SPATA13: variants seen among roughly 807,000 people sequenced by gnomAD.
SPATA13 encodes spermatogenesis associated 13, also known as spermatogenesis-associated protein 13.
In SPATA13, 50 loss-of-function variants were observed where a neutral mutation model predicts 104.0. That is an observed-to-expected ratio of 0.48 (90% CI 0.38 to 0.61). The LOEUF (loss-of-function observed/expected upper bound fraction) is 0.61, where lower values mean the gene tolerates loss of function less well. SPATA13 is among the 20% of genes least tolerant of loss of function. The probability of loss-of-function intolerance (pLI) is 0.00; values close to 1 mark genes in which losing one functional copy is unlikely to be tolerated. For missense variants in SPATA13, 1,524 were observed against 1,690.6 expected (o/e 0.90, Z 1.73); for synonymous variants, 606 against 667.5 (o/e 0.91, Z 1.42).
chr13:24,112,146 C>T (rs1202396660), intron 3 of SPATA13, among the ~76,000 whole-genome samples: 1 of 152,222 alleles, frequency 6.6e-6, no homozygotes, highest in Non-Finnish European at 1.5e-5. Context: ...GTGGAAATGT[C>T]CTTTCCTTTC....
chr13:24,189,438 C>T (rs997509793), intron 1 of SPATA13, among the ~76,000 whole-genome samples: 4 of 148,972 alleles, frequency 2.7e-5, no homozygotes, highest in African/African-American at 9.9e-5. Context: ...CACGCCACTG[C>T]ACTCCAGCCT....
At chr13:24,158,407 T>C (rs943578260), upstream of SPATA13, among the ~76,000 whole-genome samples, 10 of 152,082 alleles carry the variant, frequency 6.6e-5, no homozygotes, top group African/African-American at 2.4e-4. Flanking sequence ...ATGGTAGAAA[T>C]GGAAGGAAAT....
chr13:24,185,791 G>A (rs1299941359), intron 1 of SPATA13, among the ~76,000 whole-genome samples: 1 of 145,566 alleles, frequency 6.9e-6, no homozygotes, highest in Non-Finnish European at 1.5e-5. Context: ...GAATGTGTGT[G>A]TGTGCGCACA....
chr13:23,987,619 A>G (rs181862404), intron 2 of SPATA13, among the ~76,000 whole-genome samples: 180 of 152,342 alleles, frequency 1.2e-3, no homozygotes, highest in African/African-American at 4.3e-3. Context: ...ATTAGAAGGT[A>G]AAAGCCCCGG....
chr13:24,157,237 A>G (rs915496047), upstream of SPATA13, among the ~76,000 whole-genome samples: 1 of 152,218 alleles, frequency 6.6e-6, no homozygotes, highest in African/African-American at 2.4e-5. Context: ...AGGTTATTCT[A>G]TCAAGGGAGT....
At chr13:24,211,077 A>G (rs1281230650) in intron 1 of SPATA13, among the ~76,000 whole-genome samples, 1 of 152,218 alleles carries the variant, frequency 6.6e-6, no homozygotes, top group Non-Finnish European at 1.5e-5. Context: ...AACTGAAGAA[A>G]ATAAATTCAA....
At chr13:24,050,351 T>C (rs1878298396) in intron 3 of SPATA13, among the ~76,000 whole-genome samples, 1 of 152,188 alleles carries the variant, frequency 6.6e-6, no homozygotes, top group African/African-American at 2.4e-5. Flanking sequence ...GACGAGTCAG[T>C]TTCCGGAGCC....
At chr13:23,992,496 C>G (rs912714807) in intron 2 of SPATA13, among the ~76,000 whole-genome samples, 1 of 152,094 alleles carries the variant, frequency 6.6e-6, no homozygotes, top group Non-Finnish European at 1.5e-5. Context: ...CTCTGCTCCA[C>G]GAAGTCTTCA....
chr13:24,139,407 C>T (rs1482021129), intron 3 of SPATA13, among the ~76,000 whole-genome samples: 1 of 152,194 alleles, frequency 6.6e-6, no homozygotes, highest in Non-Finnish European at 1.5e-5. Flanking sequence ...AAAGAAAATA[C>T]AAACAGGACG....
At chr13:24,202,598 T>TC (rs1259577458) in intron 1 of SPATA13, among the ~76,000 whole-genome samples, 1 of 151,116 alleles carries the variant, frequency 6.6e-6, no homozygotes, top group Non-Finnish European at 1.5e-5. Context: ...ACTTTTTTTT[T>TC]TTTTGTATTT....
intron 3 of SPATA13, among the ~76,000 whole-genome samples, chr13:24,025,377 T>C (rs2137706774): frequency 6.6e-6 from 1 of 152,292 alleles, no homozygotes. Context: ...ATGTACATTC[T>C]TCTATGGATG....
chr13:24,173,166 C>G (rs2138509109), intron 1 of SPATA13, among the ~76,000 whole-genome samples: 1 of 152,300 alleles, frequency 6.6e-6, no homozygotes, highest in East Asian at 1.9e-4. Context: ...CACCCTCCGC[C>G]TCCCGGGTTC....
intron 9 of SPATA13, among the ~76,000 whole-genome samples, chr13:24,294,138 G>C (rs922090039): frequency 6.6e-6 from 1 of 152,186 alleles, no homozygotes; most frequent in Non-Finnish European, 1.5e-5. Flanking sequence ...GGGCTTGGGA[G>C]CGGGGCCCTC....
intron 2 of SPATA13, among the ~76,000 whole-genome samples, chr13:24,245,297 G>T (rs1465794539): frequency 6.6e-6 from 1 of 150,722 alleles, no homozygotes; most frequent in Admixed American, 6.6e-5. Flanking sequence ...AAAAAAAAAA[G>T]ATTCCATTTT....
At chr13:24,246,639 C>T (rs1417144810) in intron 2 of SPATA13, among the ~76,000 whole-genome samples, 1 of 152,162 alleles carries the variant, frequency 6.6e-6, no homozygotes, top group Non-Finnish European at 1.5e-5. Context: ...GTGGGTGGAT[C>T]ATGAGGTCAG....
rs868092857 is a variant in SPATA13, at chr13:24,113,872, A to C, written c.-112+96171A>C. The stretch of plus-strand genomic sequence containing the variant: ...CGACAGAGTGAGACTCGATCTCAAA[A>C]AAAAAAAAAAAAAAAAAAGAAAGAA... On this transcript the variant is annotated intron_variant, in intron 3 of 14. Coordinates refer to the SPATA13 transcript ENST00000424834. 7.3e-5 allele frequency among the ~76,000 whole-genome samples: 11 copies of C among 150,752 alleles called. No individual in the cohort carries two copies. The Middle Eastern group carries it at 0.01, about 142-fold the overall frequency.
intron 2 of SPATA13, among the ~76,000 whole-genome samples, chr13:24,234,177 A>G (rs1872446235): frequency 6.6e-6 from 1 of 152,236 alleles, no homozygotes; most frequent in Admixed American, 6.5e-5. Context: ...GATGTACTGC[A>G]TCTTATTAAT....
rs558065510 is a variant in SPATA13 at position 24,155,113 on chromosome 13, G to T, written c.-111-67706G>T. Among the ~76,000 whole-genome samples, 53 of 152,286 alleles carry T rather than the reference G, an allele frequency of 3.5e-4. 1 individual carries two copies. The highest frequency in any genetic ancestry group is 3.4e-3 in the Middle Eastern group (1 of 294). The stretch of plus-strand genomic sequence containing the variant: ...TCCACCTGCCTCAGCCTCCCAAAGT[G>T]CTGGGATTACAGGCGTGAGCCACCT... On this transcript the variant is annotated intron_variant, in intron 3 of 14. Transcript: ENST00000424834.
intron 4 of SPATA13, among the ~76,000 whole-genome samples, chr13:24,260,813 A>G (rs1017928813): frequency 6.6e-6 from 1 of 152,258 alleles, no homozygotes; most frequent in Non-Finnish European, 1.5e-5. Flanking sequence ...TGTGGATTGT[A>G]CAAGAGACAA....
Sources: gnomAD v4.1 joint callset for allele counts (sites outside exome capture counted in the v4.1 genomes callset) on GRCh38, gnomAD v4.1.1 for gene constraint, MANE v1.5 for transcripts, NCBI Gene and HGNC (gene_info 2026-07-23, HGNC 2026-07-21) for gene names.